The following PLCB1 variants were observed in gnomAD, a reference collection of about 807,000 sequenced individuals.
PLCB1 encodes the protein phospholipase C beta 1.
A neutral mutation model predicts 161.8 loss-of-function variants in PLCB1; 46 were observed. The observed-to-expected ratio is 0.28, with a 90% CI of 0.22 to 0.36. The LOEUF (loss-of-function observed/expected upper bound fraction) is 0.36. Among genes scored for constraint, PLCB1 ranks in the 10% least tolerant of loss-of-function variants. PLCB1 has a pLI of 1.00. For synonymous variants in PLCB1, 517 were observed against 503.7 expected (o/e 1.03, Z -0.35); for missense variants, 1,016 against 1,472.5 (o/e 0.69, Z 5.07).
intron 20 of PLCB1, among the ~76,000 whole-genome samples, chr20:8,738,797 A>G (rs1487624478): frequency 6.6e-6 from 1 of 152,228 alleles, no homozygotes; most frequent in Non-Finnish European, 1.5e-5. Flanking sequence ...TGAAATTTAT[A>G]GGGCAACATC....
At chr20:8,866,655 G>A (rs1029772494) in intron 31 of PLCB1, among the ~76,000 whole-genome samples, 2 of 152,140 alleles carry the variant, frequency 1.3e-5, no homozygotes, top group African/African-American at 2.4e-5. Context: ...AGAAGAACGG[G>A]TGTCTGCTGT....
chr20:8,642,145 GT>G (rs1040068328), intron 4 of PLCB1, among the ~76,000 whole-genome samples: 8 of 151,762 alleles, frequency 5.3e-5, no homozygotes, highest in Non-Finnish European at 1.0e-4. Flanking sequence ...TGTTAGTTGG[GT>G]TTTTTTGTAA....
At chr20:8,390,747 C>T (rs1347789874) in intron 3 of PLCB1, among the ~76,000 whole-genome samples, 1 of 152,092 alleles carries the variant, frequency 6.6e-6, no homozygotes, top group Non-Finnish European at 1.5e-5. Context: ...CCAGGGCACC[C>T]AGTATGTGTC....
In PLCB1 at chr20:8,699,503, T is replaced by A. The variant is rs564812207; in HGVS notation, c.1167+1720T>A. Reference sequence around the variant, plus strand: ...CCTCATGGGAACTAGGATTTTTTTTTAAAGAAGATTGAAAGGTAGTGTTTT... The same window carrying A: ...CCTCATGGGAACTAGGATTTTTTTTAAAAGAAGATTGAAAGGTAGTGTTTT... On this transcript the variant is annotated intron_variant, in intron 11 of 31. Transcript: ENST00000338037. Among the ~76,000 whole-genome samples the A allele has an allele frequency of 5.8e-4, 89 of 152,234 alleles. 1 individual carries two copies. In the South Asian group the frequency reaches 0.017, roughly 28 times the overall value.
intron 3 of PLCB1, among the ~76,000 whole-genome samples, chr20:8,467,208 T>C (rs559205065): frequency 2.0e-5 from 3 of 152,354 alleles, no homozygotes; most frequent in Admixed American, 2.0e-4. Flanking sequence ...CACAAAGTGC[T>C]GGGATTACAG....
chr20:8,276,980 C>CTTCTTCTTCT, intron 2 of PLCB1, among the ~76,000 whole-genome samples: 2 of 96,846 alleles, frequency 2.1e-5, no homozygotes, highest in East Asian at 5.9e-4. Context: ...TCTTCTTCTT[C>CTTCTTCTTCT]TTCTTCTTAT....
At chr20:8,509,050 A>G (rs1370118711) in intron 3 of PLCB1, among the ~76,000 whole-genome samples, 1 of 152,188 alleles carries the variant, frequency 6.6e-6, no homozygotes, top group Non-Finnish European at 1.5e-5. Context: ...TACCCTTGGC[A>G]CACATCACTT....
chr20:8,504,931 G>A (rs1489350716), intron 3 of PLCB1, among the ~76,000 whole-genome samples: 2 of 152,136 alleles, frequency 1.3e-5, no homozygotes, highest in Non-Finnish European at 2.9e-5. Flanking sequence ...TCAGTGGAAC[G>A]ACATTGGCTT....
chr20:8,475,906 A>G (rs1376817003), intron 3 of PLCB1, among the ~76,000 whole-genome samples: 1 of 152,178 alleles, frequency 6.6e-6, no homozygotes, highest in East Asian at 1.9e-4. Context: ...CTACAACTCT[A>G]CAAAGACAGT....
At chr20:8,781,497 A>T (rs115863344) in intron 27 of PLCB1, among the ~76,000 whole-genome samples, 1,835 of 152,096 alleles carry the variant, frequency 0.012, 43 homozygotes, top group African/African-American at 0.041. Flanking sequence ...ACTTAGCATT[A>T]TGCCATGGTG....
chr20:8,789,127 C>T (rs1369744084), intron 29 of PLCB1, among the ~76,000 whole-genome samples: 1 of 152,186 alleles, frequency 6.6e-6, no homozygotes, highest in African/African-American at 2.4e-5. Context: ...CTTGTAATCT[C>T]AGCACTTTGA....
chr20:8,265,822 T>A (rs1981926575), intron 2 of PLCB1, among the ~76,000 whole-genome samples: 1 of 152,198 alleles, frequency 6.6e-6, no homozygotes, highest in South Asian at 2.1e-4. Context: ...TTTAGTGTTT[T>A]GTGAGTCATT....
At chr20:8,811,907 T>C (rs1307350273) in intron 31 of PLCB1, among the ~76,000 whole-genome samples, 1 of 152,204 alleles carries the variant, frequency 6.6e-6, no homozygotes, top group Non-Finnish European at 1.5e-5. Flanking sequence ...TAAGGGGTAA[T>C]GTACTTAAGC....
intron 14 of PLCB1, among the ~76,000 whole-genome samples, chr20:8,721,965 G>A (rs182269413): frequency 7.2e-5 from 11 of 152,164 alleles, no homozygotes; most frequent in Admixed American, 6.5e-4. Context: ...ATCTGTTTTC[G>A]GGGTCATAGA....
intron 3 of PLCB1, among the ~76,000 whole-genome samples, chr20:8,625,505 A>C (rs183779345): frequency 2.4e-4 from 36 of 152,366 alleles, no homozygotes; most frequent in African/African-American, 6.0e-4. Context: ...TTTTAAAGAT[A>C]AAATGACCAG....
chr20:8,834,625 G>A (rs139864002), intron 31 of PLCB1, among the ~76,000 whole-genome samples: 23 of 152,016 alleles, frequency 1.5e-4, no homozygotes, highest in Admixed American at 5.2e-4. Context: ...GACTAGCCTG[G>A]CCAACATGGT....
intron 2 of PLCB1, among the ~76,000 whole-genome samples, chr20:8,259,876 A>G (rs537167068): frequency 8.6e-4 from 131 of 152,270 alleles, no homozygotes; most frequent in Non-Finnish European, 1.7e-3. Flanking sequence ...TTGGCACACA[A>G]TCATTACATT....
chr20:8,787,354 G>A (rs886738470), intron 27 of PLCB1, among the ~76,000 whole-genome samples: 7 of 152,186 alleles, frequency 4.6e-5, no homozygotes, highest in South Asian at 2.1e-4. Context: ...GAGCAGGCCC[G>A]TTGCAGTTTT....
intron 2 of PLCB1, among the ~76,000 whole-genome samples, chr20:8,276,959 CTT>C: frequency 8.0e-6 from 1 of 125,540 alleles, no homozygotes; most frequent in Non-Finnish European, 1.6e-5. Context: ...TCTTCTTCTT[CTT>C]CTTCTTCTTC....
Sources: allele counts gnomAD v4.1 joint callset (sites outside exome capture counted in the v4.1 genomes callset), GRCh38; gene constraint gnomAD v4.1.1; transcripts MANE v1.5; gene names NCBI Gene and HGNC (gene_info 2026-07-23, HGNC 2026-07-21).